The following BIRC6 variants were observed in gnomAD, a reference collection of about 807,000 sequenced individuals.
BIRC6 encodes the protein dual E2 ubiquitin-conjugating enzyme/E3 ubiquitin-protein ligase BIRC6.
BIRC6 carries 98 observed loss-of-function variants against 503.3 expected under a neutral mutation model. The ratio of observed to expected loss-of-function variants is 0.19; its 90% CI spans 0.17 to 0.23. BIRC6 has a LOEUF of 0.23. Ranked by LOEUF, BIRC6 falls within the 10% of genes least tolerant of loss-of-function variation. BIRC6 has a pLI of 1.00. For missense variants in BIRC6, 5,360 were observed against 5,806.0 expected, an observed-to-expected ratio of 0.92 and a Z score of 2.50; for synonymous variants, 2,240 against 2,078.7, an observed-to-expected ratio of 1.08 and a Z score of -2.11.
At chr2:32,521,252 C>A (rs62136326) in intron 57 of BIRC6, among the ~76,000 whole-genome samples, 9,021 of 149,338 alleles carry the variant, frequency 0.06, 423 homozygotes, top group Admixed American at 0.15. Flanking sequence ...TACCTGCTAT[C>A]TGTAGCTTTT....
At chr2:32,592,706 C>T (rs1043582358) in intron 66 of BIRC6, among the ~76,000 whole-genome samples, 14 of 152,132 alleles carry the variant, frequency 9.2e-5, no homozygotes, top group African/African-American at 3.4e-4. Flanking sequence ...AGTGATTCTC[C>T]TGCCTCAGCC....
chr2:32,550,085 A>G (rs956459137), intron 65 of BIRC6, among the ~76,000 whole-genome samples: 3 of 152,188 alleles, frequency 2.0e-5, no homozygotes, highest in Non-Finnish European at 2.9e-5. Context: ...AAATGTATAG[A>G]TATTTCCAAG....
intron 61 of BIRC6, among the ~76,000 whole-genome samples, chr2:32,540,460 G>A (rs1253912526): frequency 6.6e-6 from 1 of 151,856 alleles, no homozygotes; most frequent in Non-Finnish European, 1.5e-5. Context: ...TCTTTTCTTT[G>A]GGAAATTGAG....
intron 54 of BIRC6, among the ~76,000 whole-genome samples, chr2:32,513,632 T>C (rs552130317): frequency 4.5e-4 from 68 of 152,088 alleles, no homozygotes; most frequent in Non-Finnish European, 7.8e-4. Context: ...GTCAGAAAGC[T>C]GGGCACAGTG....
intron 16 of BIRC6, among the ~76,000 whole-genome samples, chr2:32,440,028 G>A (rs2045234963): frequency 6.6e-6 from 1 of 152,102 alleles, no homozygotes; most frequent in Non-Finnish European, 1.5e-5. Flanking sequence ...ACAGGCGTGT[G>A]CCACCATGCC....
In BIRC6 at chr2:32,461,043, T is replaced by TCTCC. The variant is rs1558789533; in HGVS notation, c.4754-2151_4754-2150insCTCC. Among the ~76,000 whole-genome samples, 21 of 62,152 alleles carry TCTCC rather than the reference T, an allele frequency of 3.4e-4. 1 individual carries two copies. The highest frequency in any genetic ancestry group is 6.3e-4 in the Admixed American group (4 of 6,330). 40.8% of individuals were successfully genotyped at this position (62,152 alleles called of 152,430 possible). A position where few individuals can be genotyped will look rare whatever the true frequency, so the allele number is the denominator to read the frequency against. ...TTCTCTTCTCTTCTCTTCTCTTCTC[T>TCTCC]TCTCTTCTCTTCTCTTCTCTTCTGT... On this transcript the variant is annotated intron_variant, in intron 23 of 73. Transcript: ENST00000421745.
rs768378990 is a variant in BIRC6 at position 32,518,856 on chromosome 2, C to A, written c.11533C>A (p.Gln3845Lys). The A allele has an allele frequency of 6.2e-7, 1 of 1,613,490 alleles. No individual in the cohort carries two copies. Among genetic ancestry groups the A allele is most frequent in the South Asian group, 1.1e-5 (1 of 91,072 alleles). Residue 3845 changes from glutamine to lysine, a missense_variant, in exon 57 of 74, where the codon CAG (glutamine) becomes AAG (lysine). Gln to Lys is a moderately conservative substitution (Grantham distance 53). Around this residue, in one of 16 missense-constraint regions of BIRC6, gnomAD observed 878 missense variants for 928.9 expected, o/e 0.95. Coordinates refer to ENST00000421745, the MANE Select transcript of BIRC6 (RefSeq NM_016252.4). ...AATTAATGCTACTAGCCACGTCATCCAGCATCCAATGTATGGAGCAGGCCA... is the reference window on the plus strand; with the variant it reads ...AATTAATGCTACTAGCCACGTCATCAAGCATCCAATGTATGGAGCAGGCCA... ...GRINATSHVI[Q>K]HPMYGAGHKF... is the part of the protein sequence containing the mutation.
intron 9 of BIRC6, among the ~76,000 whole-genome samples, chr2:32,413,110 G>A (rs2149979969): frequency 6.6e-6 from 1 of 150,688 alleles, no homozygotes; most frequent in South Asian, 2.1e-4. Flanking sequence ...CCAGGTTCAG[G>A]TTATTCTAGT....
intron 26 of BIRC6, among the ~76,000 whole-genome samples, chr2:32,465,540 C>G (rs1052455633): frequency 3.3e-5 from 5 of 152,098 alleles, no homozygotes. Context: ...AGAACTACTG[C>G]TTACTGTAAT....
At chr2:32,554,947 A>G (rs1355765156) in intron 65 of BIRC6, among the ~76,000 whole-genome samples, 2 of 152,148 alleles carry the variant, frequency 1.3e-5, no homozygotes, top group Admixed American at 6.5e-5. Context: ...CCATCTTGCT[A>G]GGTCTCAGGG....
In BIRC6 at chr2:32,433,632, C is replaced by T. The variant is rs575211181; in HGVS notation, c.3249-12C>T. ...TTTTGCTTTATTTAGCATTTTTCCC[C>T]TTATTTGACAGCAACAGCTGGGATG... On this transcript the variant is annotated splice_polypyrimidine_tract_variant and intron_variant, in intron 12 of 73. Coordinates refer to ENST00000421745, the MANE Select transcript of BIRC6 (RefSeq NM_016252.4). 6.5e-7 allele frequency: 1 copy of T among 1,527,884 alleles called. No individual in the cohort carries two copies. Among genetic ancestry groups the T allele is most frequent in the African/African-American group, 1.4e-5 (1 of 73,820 alleles). The allele number at this position is 1,527,884 out of a possible 1,614,324, so 94.6% of individuals were successfully genotyped here. A position where few individuals can be genotyped will look rare whatever the true frequency, so the allele number is the denominator to read the frequency against.
At chr2:32,488,538 C>CAT (rs1205220216) in intron 41 of BIRC6, 50 bp from the exon 42 acceptor site, 7 of 1,410,864 alleles carry the variant, frequency 5.0e-6, no homozygotes, top group Non-Finnish European at 6.6e-6. Context: ...AATTGTATTT[C>CAT]ATATTATAAT....
intron 1 of BIRC6, among the ~76,000 whole-genome samples, chr2:32,369,943 AAAATATATATAT>A (rs1455194127): frequency 2.5e-4 from 8 of 32,306 alleles, no homozygotes; most frequent in African/African-American, 1.5e-3. Flanking sequence ...AAAAAAAAAA[AAAATATATATAT>A]ATATATATAT....
chr2:32,473,007 C>A, intron 32 of BIRC6, 105 bp from the exon 33 acceptor site: 1 of 952,548 alleles, frequency 1.0e-6, no homozygotes. Flanking sequence ...AACTGCTTTT[C>A]ATGATTGACA....
intron 53 of BIRC6, among the ~76,000 whole-genome samples, chr2:32,511,854 A>T (rs1310182792): frequency 6.6e-6 from 1 of 152,134 alleles, no homozygotes; most frequent in Non-Finnish European, 1.5e-5. Context: ...TTAAACATAG[A>T]TTGCAATTGT....
Position 32,377,573 on chromosome 2 carries a change from T to C in BIRC6, c.326-15T>C, listed in dbSNP as rs2037002631. ...CCTGAAAATCTTAAGTGTTGAATTT[T>C]TGTTCTTTTAACAGCTAAACCAGGT... On this transcript the variant is annotated splice_polypyrimidine_tract_variant and intron_variant, in intron 1 of 73. Coordinates refer to ENST00000421745, the MANE Select transcript of BIRC6 (RefSeq NM_016252.4). The C allele has an allele frequency of 1.9e-6, 3 of 1,586,336 alleles. No individual in the cohort carries two copies. The highest frequency in any genetic ancestry group is 2.6e-6 in the Non-Finnish European group (3 of 1,167,288).
rs148245289 is a variant in BIRC6, at chr2:32,510,357, G to A, written c.10238-169G>A. 3.9e-3 allele frequency among the ~76,000 whole-genome samples: 592 copies of A among 152,342 alleles called. 3 individuals are homozygous for A. Among genetic ancestry groups the A allele is most frequent in the African/African-American group, 0.013 (552 of 41,578 alleles). ...GCCTCCCAGAGTGCTGGGATTACAC[G>A]TGTGAACCACTGCACCCAGCCTAGT... is the stretch of plus-strand genomic sequence containing the variant. On this transcript the variant is annotated intron_variant, in intron 52 of 73. Transcript: ENST00000421745.
At chr2:32,453,086 A>T (rs1036569883) in intron 22 of BIRC6, among the ~76,000 whole-genome samples, 5 of 151,826 alleles carry the variant, frequency 3.3e-5, no homozygotes, top group African/African-American at 9.7e-5. Context: ...AAAAAAAAAA[A>T]TTGCAAAGTA....
At chr2:32,593,868 A>G (rs767415999) in intron 66 of BIRC6, 47 bp from the exon 67 acceptor site, 1 of 1,548,236 alleles carries the variant, frequency 6.5e-7, no homozygotes, top group Non-Finnish European at 8.9e-7. Flanking sequence ...TTTTAGTCCT[A>G]AAATCTTAAT....
Sources: gnomAD v4.1 joint callset for allele counts (sites outside exome capture counted in the v4.1 genomes callset) on GRCh38, gnomAD v4.1.1 for gene constraint, gnomAD v4.1.1 regional missense constraint, MANE v1.5 for transcripts, NCBI Gene and HGNC (gene_info 2026-07-23, HGNC 2026-07-21) for gene names.